The following PHF24 variants were observed in gnomAD, a reference collection of about 807,000 sequenced individuals.
The protein encoded by PHF24 is Galpha inhibitory interacting protein.
Under a neutral mutation model 42.6 loss-of-function variants are expected in PHF24, and 25 were observed. The ratio of observed to expected loss-of-function variants is 0.59; its 90% CI spans 0.43 to 0.82. PHF24 has a LOEUF of 0.82. PHF24 is among the 40% of genes least tolerant of loss of function. The pLI is 0.00. For synonymous variants in PHF24, 185 were observed against 204.8 expected (o/e 0.90, Z 0.83); for missense variants, 470 against 538.1 (o/e 0.87, Z 1.25).
At chr9:34,686,369 C>T in the PHF24 span, among the ~76,000 whole-genome samples, 4 of 152,170 alleles carry the variant, frequency 2.6e-5, no homozygotes, top group Non-Finnish European at 4.4e-5. Flanking sequence ...AACGCTCAAC[C>T]ACACAACAGA....
chr9:34,725,838 G>T, the PHF24 span: 3 of 1,551,196 alleles, frequency 1.9e-6, no homozygotes, highest in South Asian at 2.4e-5. Flanking sequence ...AAGAGAAAAG[G>T]ATCCTTCAAG....
At chr9:34,883,817 A>G in the PHF24 span, among the ~76,000 whole-genome samples, 2 of 152,240 alleles carry the variant, frequency 1.3e-5, no homozygotes, top group Non-Finnish European at 2.9e-5. Context: ...CGATTCCTCA[A>G]GGATCTAGAA....
chr9:34,832,287 G>T, the PHF24 span: 1 of 577,746 alleles, frequency 1.7e-6, no homozygotes, highest in Non-Finnish European at 3.1e-6. Context: ...TGAACTGAGG[G>T]TTAGGAGCTA....
chr9:34,825,944 C>T, the PHF24 span, among the ~76,000 whole-genome samples: 2 of 152,134 alleles, frequency 1.3e-5, no homozygotes, highest in Non-Finnish European at 2.9e-5. Flanking sequence ...GCCCCTGTGG[C>T]CTTTGTAGTA....
At chr9:34,799,279 C>A in the PHF24 span, among the ~76,000 whole-genome samples, 1 of 152,146 alleles carries the variant, frequency 6.6e-6, no homozygotes, top group African/African-American at 2.4e-5. Flanking sequence ...TAAATCCTAG[C>A]GCTGCCATTA....
the PHF24 span, chr9:34,709,300 C>T: frequency 2.0e-6 from 3 of 1,468,612 alleles, no homozygotes; most frequent in African/African-American, 1.4e-5. Context: ...TGCTCCAGGG[C>T]CCCTGAGCAT....
At chr9:34,869,805 C>G in the PHF24 span, among the ~76,000 whole-genome samples, 1 of 152,030 alleles carries the variant, frequency 6.6e-6, no homozygotes, top group African/African-American at 2.4e-5. Flanking sequence ...GCCAGATGAC[C>G]CTAATCTACC....
At chr9:34,732,752 A>G in the PHF24 span, among the ~76,000 whole-genome samples, 1 of 152,196 alleles carries the variant, frequency 6.6e-6, no homozygotes, top group Non-Finnish European at 1.5e-5. Flanking sequence ...TTCAGAATTA[A>G]TTTAGCATGG....
chr9:34,695,979 C>T, the PHF24 span, among the ~76,000 whole-genome samples: 13 of 152,022 alleles, frequency 8.6e-5, no homozygotes, highest in Admixed American at 2.6e-4. Context: ...ATCTGGAGCA[C>T]GTAGAAGCAT....
the PHF24 span, among the ~76,000 whole-genome samples, chr9:34,730,004 C>A: frequency 6.6e-6 from 1 of 152,026 alleles, no homozygotes. Context: ...TAGGGAGAGG[C>A]CAAGGTGGTT....
the PHF24 span, among the ~76,000 whole-genome samples, chr9:34,874,516 C>T: frequency 6.6e-6 from 1 of 152,082 alleles, no homozygotes; most frequent in African/African-American, 2.4e-5. Flanking sequence ...ATTTGTTGCT[C>T]CAGACATTTT....
the PHF24 span, among the ~76,000 whole-genome samples, chr9:34,816,554 G>C: frequency 6.6e-6 from 1 of 152,140 alleles, no homozygotes; most frequent in Admixed American, 6.5e-5. Flanking sequence ...GTGAGGGCCT[G>C]CTTTTTGGTT....
the PHF24 span, chr9:34,726,516 G>A: frequency 2.1e-5 from 33 of 1,551,698 alleles, no homozygotes; most frequent in Non-Finnish European, 2.7e-5. Flanking sequence ...ACAAGGCTGG[G>A]GTTGCTCTGC....
the PHF24 span, among the ~76,000 whole-genome samples, chr9:34,916,445 G>T: frequency 6.6e-6 from 1 of 152,134 alleles, no homozygotes; most frequent in Non-Finnish European, 1.5e-5. Context: ...GAGTGATACC[G>T]CCACCCTCTA....
chr9:34,825,433 G>C, the PHF24 span, among the ~76,000 whole-genome samples: 1 of 152,172 alleles, frequency 6.6e-6, no homozygotes, highest in African/African-American at 2.4e-5. Context: ...GATGAGCCTG[G>C]TCTGAGGTAG....
chr9:34,683,038 TGAAAAATATA>T, the PHF24 span, among the ~76,000 whole-genome samples: 2 of 149,268 alleles, frequency 1.3e-5, no homozygotes, highest in African/African-American at 4.9e-5. Flanking sequence ...TTCCTTACCT[TGAAAAATATA>T]CTTTCTTTCT....
chr9:34,674,625 A>G, the PHF24 span, among the ~76,000 whole-genome samples: 2 of 152,286 alleles, frequency 1.3e-5, no homozygotes, highest in African/African-American at 2.4e-5. Context: ...ATAGTTTGCC[A>G]ATCCTAGTCT....
At chr9:34,815,705 T>C in the PHF24 span, among the ~76,000 whole-genome samples, 1 of 152,202 alleles carries the variant, frequency 6.6e-6, no homozygotes. Context: ...GGGGTTTCTG[T>C]GTGTATTTGT....
At chr9:34,899,132 C>T in the PHF24 span, among the ~76,000 whole-genome samples, 1 of 152,196 alleles carries the variant, frequency 6.6e-6, no homozygotes, top group African/African-American at 2.4e-5. Flanking sequence ...CCTGGCATTT[C>T]TCACGATGTG....
Sources: gnomAD v4.1 joint callset for allele counts (sites outside exome capture counted in the v4.1 genomes callset) on GRCh38, gnomAD v4.1.1 for gene constraint, MANE v1.5 for transcripts, NCBI Gene and HGNC (gene_info 2026-07-23, HGNC 2026-07-21) for gene names.